The following TBX21 variants were observed in gnomAD, a reference collection of about 807,000 sequenced individuals.
The protein encoded by TBX21 is T-box transcription factor TBX21.
A neutral mutation model predicts 52.2 loss-of-function variants in TBX21; 11 were observed. The ratio of observed to expected loss-of-function variants is 0.21; its 90% CI spans 0.13 to 0.35. TBX21 has a LOEUF of 0.35. Ranked by LOEUF, TBX21 falls within the 10% of genes least tolerant of loss-of-function variation. TBX21 has a pLI of 1.00. For missense variants in TBX21, 625 were observed against 755.1 expected (o/e 0.83, Z 2.02); for synonymous variants, 300 against 316.1 (o/e 0.95, Z 0.54).
At chr17:47,737,683 T>C (rs1363739871) in intron 1 of TBX21, among the ~76,000 whole-genome samples, 1 of 152,038 alleles carries the variant, frequency 6.6e-6, no homozygotes, top group African/African-American at 2.4e-5. Context: ...TGGAGTGCAG[T>C]GGCTCAATCT....
Position 47,745,459 on chromosome 17 carries a change from C to T in TBX21, c.*93C>T, listed in dbSNP as rs1459517872. ...ACGGATGAAGGACTGAGAAGGCCCC[C>T]GCTCCCTCTGGCCCTTCTCTGTTTA... On this transcript the variant is annotated 3_prime_UTR_variant, in exon 6 of 6. Coordinates refer to ENST00000177694, the MANE Select transcript of TBX21 (RefSeq NM_013351.2). 1.1e-4 allele frequency: 159 copies of T among 1,486,914 alleles called. No individual in the cohort carries two copies. The highest frequency in any genetic ancestry group is 1.4e-4 in the Non-Finnish European group (153 of 1,118,210). The allele number at this position is 1,486,914 out of a possible 1,614,324, so 92.1% of individuals were successfully genotyped here.
chr17:47,742,577 ATGGGTGC>A lies in TBX21; in HGVS notation c.492-28_492-22del, dbSNP rs768141317. On this transcript the variant is annotated intron_variant, in intron 1 of 5. Transcript: ENST00000177694. This position sits in a 1 kb window ranked among gnomAD's most constrained non-coding sequence, Gnocchi z 4.4. ...GGGACTGGCTGTCAAGCTGGAGCTG[ATGGGTGC>A]TGGGGGCTTTCTCTCTTCTCTCCAG... is the stretch of plus-strand genomic sequence containing the variant. 98 of 1,565,024 alleles carry A rather than the reference ATGGGTGC, an allele frequency of 6.3e-5. No individual in the cohort carries two copies. The highest frequency in any genetic ancestry group is 7.9e-5 in the Non-Finnish European group (91 of 1,151,052).
chr17:47,743,049 C>A, intron 2 of TBX21, 22 bp from the exon 3 acceptor site: 2 of 1,613,378 alleles, frequency 1.2e-6, no homozygotes, highest in South Asian at 2.2e-5. Context: ...GGCTGCATGT[C>A]AAAGAGGTGA....
chr17:47,745,609 C>T lies in TBX21; in HGVS notation c.*243C>T. ...CCTCTGCCCTAACTACAGTCGTTTA[C>T]CTGGTGCTGCGTCTTGCTTTTGGTT... On this transcript the variant is annotated 3_prime_UTR_variant, in exon 6 of 6. Transcript: ENST00000177694. 4.4e-6 allele frequency: 2 copies of T among 458,822 alleles called. No individual in the cohort carries two copies. Among genetic ancestry groups the T allele is most frequent in the South Asian group, 4.5e-5 (1 of 22,144 alleles). The allele number at this position is 458,822 out of a possible 1,614,324, so 28.4% of individuals were successfully genotyped here.
At chr17:47,738,630 T>G (rs1215201415) in intron 1 of TBX21, among the ~76,000 whole-genome samples, 4 of 151,526 alleles carry the variant, frequency 2.6e-5, no homozygotes, top group African/African-American at 9.7e-5. Context: ...AGACAAAGTC[T>G]CGTTCTGTTG....
chr17:47,736,871 C>G (rs1268642876), intron 1 of TBX21, among the ~76,000 whole-genome samples: 1 of 152,122 alleles, frequency 6.6e-6, no homozygotes, highest in Admixed American at 6.6e-5. Flanking sequence ...GAAAGGTTCT[C>G]CCACCTCAGG....
chr17:47,742,080 T>C lies in TBX21; in HGVS notation c.492-530T>C, dbSNP rs1054486744. ...TTTTTTAGTTTTTACTCCTTTTTTT[T>C]TTTTTTGAGATGGAGACTTGCTCTT... On this transcript the variant is annotated intron_variant, in intron 1 of 5. Transcript: ENST00000177694. This position sits in a 1 kb window ranked among gnomAD's most constrained non-coding sequence, Gnocchi z 4.4. 2.0e-5 allele frequency among the ~76,000 whole-genome samples: 3 copies of C among 151,890 alleles called. No homozygotes were observed. Among genetic ancestry groups the C allele is most frequent in the Admixed American group, 2.0e-4 (3 of 15,272 alleles).
chr17:47,733,640 C>T lies in TBX21; in HGVS notation c.186C>T (p.Ala62=). ...TGGGGTCTCCCTACCCGGGGGGCGC[C>T]TTGGTGCCCGCCCCGCCGAGCCGCT... ...GSLGSPYPGG[A]LVPAPPSRFL... The change falls in exon 1 of 6, where the codon GCC becomes GCT. Residue 62 remains alanine, a synonymous_variant. Coordinates refer to ENST00000177694, the MANE Select transcript of TBX21 (RefSeq NM_013351.2). The surrounding 1 kb of genome is among the most constrained non-coding windows in gnomAD (Gnocchi z 6.6). 1 of 1,448,470 alleles carries T rather than the reference C, an allele frequency of 6.9e-7. No individual in the cohort carries two copies. The highest frequency in any genetic ancestry group is 9.0e-7 in the Non-Finnish European group (1 of 1,105,342). 89.7% of individuals were successfully genotyped at this position (1,448,470 alleles called of 1,614,324 possible).
Position 47,744,899 on chromosome 17 carries a change from G to T in TBX21, c.1141G>T (p.Val381Phe). ...PDLPGQAKDV[V>F]PQAYWLGAPR... Reference sequence around the variant, plus strand: ...CCTTCCTGGCCAGGCGAAGGATGTGGTTCCCCAGGCTTACTGGCTGGGGGC... The same window carrying T: ...CCTTCCTGGCCAGGCGAAGGATGTGTTTCCCCAGGCTTACTGGCTGGGGGC... Residue 381 changes from valine (V) to phenylalanine (F), a missense_variant, in exon 6 of 6, where the codon GTT (valine) becomes TTT (phenylalanine). Physicochemically the swap from Val to Phe is conservative, Grantham distance 50. Around this residue, in one of 4 missense-constraint regions of TBX21, gnomAD observed 261 missense variants for 275.1 expected, o/e 0.95. Transcript: ENST00000177694. 1.2e-6 allele frequency: 2 copies of T among 1,614,146 alleles called. No homozygotes were observed. Among genetic ancestry groups the T allele is most frequent in the Non-Finnish European group, 8.5e-7 (1 of 1,180,024 alleles).
intron 1 of TBX21, among the ~76,000 whole-genome samples, chr17:47,737,998 C>A (rs1443590694): frequency 6.6e-6 from 1 of 151,256 alleles, no homozygotes; most frequent in Non-Finnish European, 1.5e-5. Context: ...GTTGCCCAGG[C>A]GGTCTCAAAT....
At position 47,743,078 on chromosome 17, in the gene TBX21, C is replaced by G; in HGVS notation, c.654C>G (p.Arg218=). Residue 218 remains arginine, a synonymous_variant, in exon 3 of 6, where the codon CGC becomes CGG. Transcript: ENST00000177694. The stretch of plus-strand genomic sequence containing the variant: ...GAGGTGAACTGTCCACAGGAAACCG[C>G]CTGTACGTCCACCCGGACTCCCCCA... ...GKAEGSMPGN[R]LYVHPDSPNT... is the part of the protein sequence containing the mutation. 6.2e-7 allele frequency: 1 copy of G among 1,614,170 alleles called. No individual in the cohort carries two copies. The highest frequency in any genetic ancestry group is 8.5e-7 in the Non-Finnish European group (1 of 1,180,026).
intron 1 of TBX21, among the ~76,000 whole-genome samples, chr17:47,735,875 C>T (rs1278808619): frequency 2.0e-5 from 3 of 152,172 alleles, no homozygotes; most frequent in Non-Finnish European, 4.4e-5. Context: ...CACCCTGGGC[C>T]CTTGCTGGGG....
Position 47,733,832 on chromosome 17 carries a change from G to A in TBX21, c.378G>A (p.Ala126=). The stretch of plus-strand genomic sequence containing the variant: ...ACCCGGGGCCGCGTGAGGACTACGC[G>A]CTACCCGCGGGACTGGAGGTGTCGG... The part of the protein sequence containing the change: ...GLYPGPREDY[A]LPAGLEVSGK... Residue 126 remains alanine, a synonymous_variant, in exon 1 of 6, where the codon GCG becomes GCA. Coordinates refer to ENST00000177694, the MANE Select transcript of TBX21 (RefSeq NM_013351.2). The surrounding 1 kb of genome is among the most constrained non-coding windows in gnomAD (Gnocchi z 6.6). The A allele has an allele frequency of 6.2e-7, 1 of 1,607,844 alleles. No individual in the cohort carries two copies. Among genetic ancestry groups the A allele is most frequent in the Non-Finnish European group, 8.5e-7 (1 of 1,177,860 alleles).
chr17:47,739,450 C>T (rs2032243396), intron 1 of TBX21, among the ~76,000 whole-genome samples: 1 of 139,724 alleles, frequency 7.2e-6, no homozygotes, highest in Non-Finnish European at 1.5e-5. Context: ...GCATAGCAGA[C>T]TCCATCTCTT....
rs200552867 is a variant in TBX21 at position 47,744,177 on chromosome 17, G to A, written c.769-18G>A. The stretch of plus-strand genomic sequence containing the variant: ...ATCCTTCCTCCCCACCCCTACAACC[G>A]TCTTGCTCTGTCTACAGATGATTGT... On this transcript the variant is annotated intron_variant, in intron 3 of 5. Transcript: ENST00000177694. The A allele has an allele frequency of 6.7e-5, 108 of 1,612,932 alleles. No individual in the cohort carries two copies. The highest frequency in any genetic ancestry group is 2.5e-4 in the Admixed American group (15 of 59,972).
chr17:47,742,458 G>C lies in TBX21; in HGVS notation c.492-152G>C. The C allele has an allele frequency of 1.2e-6, 1 of 813,200 alleles. No individual in the cohort carries two copies. Among genetic ancestry groups the C allele is most frequent in the Non-Finnish European group, 1.8e-6 (1 of 547,112 alleles). 50.4% of individuals were successfully genotyped at this position (813,200 alleles called of 1,614,324 possible). On this transcript the variant is annotated intron_variant, in intron 1 of 5. Transcript: ENST00000177694. This position sits in a 1 kb window ranked among gnomAD's most constrained non-coding sequence, Gnocchi z 4.4. ...TAATTATGGCTGTGTTTAACCACTG[G>C]CTGGCAAACTCCCTAAACACCTTCC...
Position 47,733,804 on chromosome 17 carries a change from T to C in TBX21, c.350T>C (p.Leu117Pro), listed in dbSNP as rs2032171121. ...GCCGCCCCGGACCCGCGCGCCGGGCTCTACCCGGGGCCGCGTGAGGACTAC... is the reference window on the plus strand; with the variant it reads ...GCCGCCCCGGACCCGCGCGCCGGGCCCTACCCGGGGCCGCGTGAGGACTAC... ...GYAAPDPRAG[L>P]YPGPREDYAL... Residue 117 changes from leucine (L) to proline (P), a missense_variant, in exon 1 of 6, where the codon CTC becomes CCC. Around this residue, in one of 4 missense-constraint regions of TBX21, gnomAD observed 221 missense variants for 204.9 expected, o/e 1.08. Transcript: ENST00000177694. This position sits in a 1 kb window ranked among gnomAD's most constrained non-coding sequence, Gnocchi z 6.6. The C allele has an allele frequency of 3.8e-6, 6 of 1,583,876 alleles. No individual in the cohort carries two copies. The highest frequency in any genetic ancestry group is 1.1e-5 in the South Asian group (1 of 88,118).
intron 1 of TBX21, among the ~76,000 whole-genome samples, chr17:47,736,240 C>T (rs2143423387): frequency 6.6e-6 from 1 of 152,244 alleles, no homozygotes. Flanking sequence ...AACAGACTTC[C>T]ATCCCCAGCT....
intron 1 of TBX21, among the ~76,000 whole-genome samples, chr17:47,739,802 C>G (rs895560931): frequency 3.3e-5 from 5 of 150,092 alleles, no homozygotes; most frequent in African/African-American, 1.2e-4. Context: ...TGTTGGGTGC[C>G]TGTAGTCAAG....
Sources: allele counts gnomAD v4.1 joint callset (sites outside exome capture counted in the v4.1 genomes callset), GRCh38; gene constraint gnomAD v4.1.1; regional missense constraint gnomAD v4.1.1; non-coding constraint Gnocchi (gnomAD v3.1); transcripts MANE v1.5; gene names NCBI Gene and HGNC (gene_info 2026-07-23, HGNC 2026-07-21).